The following IL17B variants were observed in gnomAD, a reference collection of about 807,000 sequenced individuals.
The protein encoded by IL17B is interleukin 17B.
In IL17B, 14 loss-of-function variants were observed where a neutral mutation model predicts 14.7. The ratio of observed to expected loss-of-function variants is 0.95; its 90% CI spans 0.63 to 1.49. IL17B has a LOEUF of 1.49. Among genes scored for constraint, IL17B ranks in the 40% most tolerant of loss-of-function variants. The pLI is 0.00. For missense variants in IL17B, 233 were observed against 252.8 expected, an observed-to-expected ratio of 0.92 and a Z score of 0.53; for synonymous variants, 105 against 94.8, an observed-to-expected ratio of 1.11 and a Z score of -0.62.
chr5:149,393,721 A>C (rs1440117862), intron 1 of IL17B, among the ~76,000 whole-genome samples: 1 of 151,736 alleles, frequency 6.6e-6, no homozygotes, highest in East Asian at 1.9e-4. Flanking sequence ...GTATCCTCAG[A>C]CAGACATAGA....
chr5:149,393,067 G>A (rs1372043410), intron 1 of IL17B, among the ~76,000 whole-genome samples: 3 of 152,084 alleles, frequency 2.0e-5, no homozygotes, highest in Non-Finnish European at 4.4e-5. Context: ...GTGTCTGCGT[G>A]TGTGAGATTG....
intron 2 of IL17B, among the ~76,000 whole-genome samples, chr5:149,375,360 G>A (rs897292577): frequency 8.5e-5 from 13 of 152,200 alleles, no homozygotes; most frequent in Non-Finnish European, 1.9e-4. Flanking sequence ...ACGGGACAAG[G>A]AAGTGGGTGA....
At chr5:149,382,931 G>A (rs1452892430), upstream of IL17B, among the ~76,000 whole-genome samples, 1 of 152,218 alleles carries the variant, frequency 6.6e-6, no homozygotes, top group Non-Finnish European at 1.5e-5. Context: ...ATACAGGGAG[G>A]CCATGCTGGG....
intron 1 of IL17B, among the ~76,000 whole-genome samples, chr5:149,389,025 G>A (rs950633448): frequency 3.3e-5 from 5 of 152,244 alleles, no homozygotes; most frequent in Admixed American, 2.6e-4. Flanking sequence ...TTCACAGGAA[G>A]AACTCAGTAA....
chr5:149,391,475 C>T (rs1335429689), intron 1 of IL17B, among the ~76,000 whole-genome samples: 3 of 152,196 alleles, frequency 2.0e-5, no homozygotes, highest in African/African-American at 4.8e-5. Context: ...CCAACCCACA[C>T]AATCAGAGAA....
chr5:149,384,196 C>G (rs767505275), upstream of IL17B, among the ~76,000 whole-genome samples: 9 of 152,266 alleles, frequency 5.9e-5, no homozygotes, highest in Non-Finnish European at 1.2e-4. Flanking sequence ...TGCAGAAGCC[C>G]TCCTCCTGTG....
intron 1 of IL17B, among the ~76,000 whole-genome samples, chr5:149,394,312 C>T (rs1410179090): frequency 6.6e-6 from 1 of 152,194 alleles, no homozygotes; most frequent in East Asian, 1.9e-4. Context: ...CCATGACAGA[C>T]AATCTGAGTC....
chr5:149,403,723 TG>T (rs112387472), intron 1 of IL17B, among the ~76,000 whole-genome samples: 4,040 of 152,260 alleles, frequency 0.027, 93 homozygotes, highest in African/African-American at 0.066. Context: ...ATCTCAGGGC[TG>T]GGAAGGGACT....
chr5:149,398,482 G>A (rs1202066148), intron 1 of IL17B, among the ~76,000 whole-genome samples: 1 of 152,230 alleles, frequency 6.6e-6, no homozygotes, highest in Non-Finnish European at 1.5e-5. Flanking sequence ...GAGAGCGGCA[G>A]ACACAGACAC....
upstream of IL17B, among the ~76,000 whole-genome samples, chr5:149,382,624 TTGTC>T (rs1285372607): frequency 4.6e-5 from 7 of 152,304 alleles, no homozygotes; most frequent in East Asian, 1.9e-4. Context: ...CACAGCAAGT[TTGTC>T]TGACTCCTGC....
At chr5:149,377,322 C>A (rs1758572061) in intron 1 of IL17B, among the ~76,000 whole-genome samples, 1 of 152,230 alleles carries the variant, frequency 6.6e-6, no homozygotes, top group South Asian at 2.1e-4. Context: ...CCTTCCCACC[C>A]CTCGTGTCAG....
chr5:149,379,419 C>T (rs889215964), upstream of IL17B: 8 of 633,078 alleles, frequency 1.3e-5, no homozygotes, highest in African/African-American at 5.5e-5. Flanking sequence ...CAGTGGCAGG[C>T]GGTGAGGGGC....
chr5:149,400,938 C>CGAGA (rs2127623428), intron 1 of IL17B, among the ~76,000 whole-genome samples: 1 of 152,280 alleles, frequency 6.6e-6, no homozygotes, highest in South Asian at 2.1e-4. Flanking sequence ...GTCAGGCTCT[C>CGAGA]GATGGACTAG....
At chr5:149,399,089 A>T (rs1156868069) in intron 1 of IL17B, among the ~76,000 whole-genome samples, 1 of 152,192 alleles carries the variant, frequency 6.6e-6, no homozygotes, top group African/African-American at 2.4e-5. Context: ...CATGGGAAAG[A>T]CCTGGCCCCA....
At chr5:149,379,305 A>T, upstream of IL17B, 1 of 1,567,100 alleles carries the variant, frequency 6.4e-7, no homozygotes, top group Non-Finnish European at 8.8e-7. Flanking sequence ...CAGCAACAGG[A>T]TGGAGCGAAG....
chr5:149,385,908 C>T (rs894913280), intron 1 of IL17B, among the ~76,000 whole-genome samples: 8 of 152,262 alleles, frequency 5.3e-5, no homozygotes, highest in South Asian at 2.1e-4. Context: ...TCTGTGGGGA[C>T]GTGAGAAGAA....
chr5:149,403,086 T>C (rs1759246577), intron 1 of IL17B, among the ~76,000 whole-genome samples: 1 of 151,830 alleles, frequency 6.6e-6, no homozygotes, highest in African/African-American at 2.4e-5. Context: ...TTGTTTTGTT[T>C]TGTTTTGTTT....
chr5:149,379,558 GCACC>G (rs1758635717), upstream of IL17B, among the ~76,000 whole-genome samples: 1 of 152,222 alleles, frequency 6.6e-6, no homozygotes, highest in Non-Finnish European at 1.5e-5. Flanking sequence ...CGCCCAGCCA[GCACC>G]CACAGGGCCA....
intron 1 of IL17B, among the ~76,000 whole-genome samples, chr5:149,393,963 A>T (rs1759041898): frequency 6.6e-6 from 1 of 152,240 alleles, no homozygotes; most frequent in African/African-American, 2.4e-5. Context: ...AAATCCTGAA[A>T]AATCAAAATC....
Sources: allele counts gnomAD v4.1 joint callset (sites outside exome capture counted in the v4.1 genomes callset), GRCh38; gene constraint gnomAD v4.1.1; transcripts MANE v1.5; gene names NCBI Gene and HGNC (gene_info 2026-07-23, HGNC 2026-07-21).